The following NBAS variants were observed in gnomAD, a reference collection of about 807,000 sequenced individuals.
NBAS encodes NBAS subunit of NRZ tethering complex.
A neutral mutation model predicts 302.5 loss-of-function variants in NBAS; 219 were observed. The ratio of observed to expected loss-of-function variants is 0.72; its 90% CI spans 0.65 to 0.81. The LOEUF is 0.81. Ranked by LOEUF, NBAS falls within the 30% of genes least tolerant of loss-of-function variation. The pLI is 0.00. For missense variants in NBAS, 2,932 were observed against 2,841.6 expected, an observed-to-expected ratio of 1.03 and a Z score of -0.72; for synonymous variants, 1,118 against 1,021.6, an observed-to-expected ratio of 1.09 and a Z score of -1.80.
the NBAS span, among the ~76,000 whole-genome samples, chr2:15,066,731 C>T: frequency 6.6e-6 from 1 of 152,138 alleles, no homozygotes; most frequent in South Asian, 2.1e-4. Context: ...AAAGAGAACA[C>T]TTGTACACTG....
At chr2:15,435,336 T>C in intron 21 of NBAS, among the ~76,000 whole-genome samples, 1 of 152,218 alleles carries the variant, frequency 6.6e-6, no homozygotes, top group South Asian at 2.1e-4. Flanking sequence ...CGTATGTTCT[T>C]GCCTCTAAAC....
chr2:14,835,284 T>C, the NBAS span, among the ~76,000 whole-genome samples: 1 of 151,964 alleles, frequency 6.6e-6, no homozygotes, highest in East Asian at 1.9e-4. Flanking sequence ...CTCAGGAAAG[T>C]GAGCTGAAAA....
chr2:15,037,850 T>C, the NBAS span, among the ~76,000 whole-genome samples: 1 of 152,088 alleles, frequency 6.6e-6, no homozygotes, highest in African/African-American at 2.4e-5. Flanking sequence ...TCTAGCATGA[T>C]TGATTAAAAC....
chr2:15,263,212 C>T (rs1415450102), intron 44 of NBAS, among the ~76,000 whole-genome samples: 3 of 152,162 alleles, frequency 2.0e-5, no homozygotes, highest in Non-Finnish European at 4.4e-5. Context: ...ATGATTTTGG[C>T]TCACTGCAAC....
the NBAS span, among the ~76,000 whole-genome samples, chr2:14,797,818 G>T: frequency 2.0e-5 from 3 of 152,136 alleles, no homozygotes; most frequent in Non-Finnish European, 4.4e-5. Flanking sequence ...CCAGGCAGGG[G>T]CACCACTGGT....
At chr2:15,249,048 C>T (rs552018870) in intron 44 of NBAS, among the ~76,000 whole-genome samples, 8 of 152,056 alleles carry the variant, frequency 5.3e-5, no homozygotes, top group South Asian at 2.1e-4. Flanking sequence ...TGATGAACAT[C>T]GATGCAAAAA....
the NBAS span, among the ~76,000 whole-genome samples, chr2:15,159,534 T>C: frequency 6.6e-6 from 1 of 151,984 alleles, no homozygotes; most frequent in Non-Finnish European, 1.5e-5. Context: ...ACTGTATGAT[T>C]CCACTGGTTC....
In NBAS at chr2:15,409,339, A is replaced by G. The variant is rs139033448; in HGVS notation, c.2937+6207T>C. Among the ~76,000 whole-genome samples the G allele has an allele frequency of 6.7e-3, 1,027 of 152,292 alleles. 12 individuals carry two copies. The highest frequency in any genetic ancestry group is 0.022 in the African/African-American group (928 of 41,560). ...CCTCGTATCTTTCATTGATTTTAGGAAAGTCCCACATTGAATACTGTCTGC... is the reference window on the plus strand; with the variant it reads ...CCTCGTATCTTTCATTGATTTTAGGGAAGTCCCACATTGAATACTGTCTGC... On this transcript the variant is annotated intron_variant, in intron 25 of 51. Coordinates refer to ENST00000281513, the MANE Select transcript of NBAS (RefSeq NM_015909.4).
At chr2:15,045,065 T>C in the NBAS span, among the ~76,000 whole-genome samples, 3 of 152,230 alleles carry the variant, frequency 2.0e-5, no homozygotes, top group East Asian at 3.8e-4. Context: ...AATTTCTAAA[T>C]ATGATTTCCT....
At chr2:15,405,994 T>C (rs367983548) in intron 25 of NBAS, among the ~76,000 whole-genome samples, 2 of 151,498 alleles carry the variant, frequency 1.3e-5, no homozygotes, top group East Asian at 1.9e-4. Context: ...TCTCCCTAAG[T>C]TAATGTACAA....
chr2:14,811,629 A>G, the NBAS span, among the ~76,000 whole-genome samples: 1 of 152,296 alleles, frequency 6.6e-6, no homozygotes, highest in South Asian at 2.1e-4. Context: ...CTGAATGTCA[A>G]TAATATCAAG....
rs968957955 is a variant in NBAS, at chr2:15,558,579, C to T, written c.172+1G>A. Reference sequence around the variant, plus strand: ...ACTGTAGAGAAATAAGCTATATTTACCTCGAATTGCTTTCGTGATGATAAA... The same window carrying T: ...ACTGTAGAGAAATAAGCTATATTTATCTCGAATTGCTTTCGTGATGATAAA... On this transcript the variant is annotated splice_donor_variant, in intron 2 of 51. Coordinates refer to ENST00000281513, the MANE Select transcript of NBAS (RefSeq NM_015909.4). LOFTEE classifies it high-confidence loss of function. The T allele has an allele frequency of 6.2e-7, 1 of 1,611,830 alleles. No homozygotes were observed. Among genetic ancestry groups the T allele is most frequent in the Non-Finnish European group, 8.5e-7 (1 of 1,178,734 alleles).
At chr2:14,902,921 G>A in the NBAS span, among the ~76,000 whole-genome samples, 3 of 152,070 alleles carry the variant, frequency 2.0e-5, no homozygotes, top group Non-Finnish European at 4.4e-5. Flanking sequence ...TTCTGTCAGG[G>A]AACCAAAGAA....
chr2:15,254,003 G>A (rs1201901422), intron 44 of NBAS, among the ~76,000 whole-genome samples: 1 of 152,186 alleles, frequency 6.6e-6, no homozygotes, highest in East Asian at 1.9e-4. Context: ...TAAGAGGAGA[G>A]AGGAACGTGA....
the NBAS span, among the ~76,000 whole-genome samples, chr2:15,073,824 T>G: frequency 6.6e-6 from 1 of 152,206 alleles, no homozygotes; most frequent in Non-Finnish European, 1.5e-5. Flanking sequence ...TGACTCATTT[T>G]ATGTGTTTTG....
chr2:15,500,502 TCACA>T (rs72095633), intron 11 of NBAS, among the ~76,000 whole-genome samples: 2,091 of 136,186 alleles, frequency 0.015, 44 homozygotes, highest in African/African-American at 0.047. Flanking sequence ...TTTAGAAGTC[TCACA>T]CACACACACA....
chr2:15,349,085 T>G (rs529718908), intron 35 of NBAS, among the ~76,000 whole-genome samples: 1 of 152,282 alleles, frequency 6.6e-6, no homozygotes, highest in East Asian at 1.9e-4. Flanking sequence ...CCAAAGTGCC[T>G]GCACAGAAAA....
the NBAS span, among the ~76,000 whole-genome samples, chr2:15,047,843 G>A: frequency 9.8e-5 from 15 of 152,350 alleles, no homozygotes; most frequent in South Asian, 2.1e-4. Context: ...GCTGTGTGAC[G>A]TCAGGCAAGT....
At chr2:15,492,548 C>G (rs192165685) in intron 11 of NBAS, among the ~76,000 whole-genome samples, 1 of 152,120 alleles carries the variant, frequency 6.6e-6, no homozygotes, top group Admixed American at 6.5e-5. Flanking sequence ...CCTCTGCCTC[C>G]CAGGCTCAAG....
Sources: allele counts gnomAD v4.1 joint callset (sites outside exome capture counted in the v4.1 genomes callset), GRCh38; gene constraint gnomAD v4.1.1; transcripts MANE v1.5; gene names NCBI Gene and HGNC (gene_info 2026-07-23, HGNC 2026-07-21).